The following MAP3K5 variants were observed in gnomAD, a reference collection of about 807,000 sequenced individuals.
MAP3K5 encodes ASK-1.
In MAP3K5, 56 loss-of-function variants were observed where a neutral mutation model predicts 158.7. The observed-to-expected ratio is 0.35, with a 90% CI of 0.28 to 0.44. MAP3K5 has a LOEUF of 0.44. Ranked by LOEUF, MAP3K5 falls within the 20% of genes least tolerant of loss-of-function variation. MAP3K5 has a pLI of 1.00. For missense variants in MAP3K5, 1,294 were observed against 1,674.8 expected (o/e 0.77, Z 3.97); for synonymous variants, 579 against 601.7 (o/e 0.96, Z 0.55).
chr6:136,615,785 T>C (rs988870214), intron 15 of MAP3K5, among the ~76,000 whole-genome samples: 3 of 152,156 alleles, frequency 2.0e-5, no homozygotes, highest in Non-Finnish European at 2.9e-5. Context: ...ACACTAATAA[T>C]TCACATTAGT....
chr6:136,744,380 CAT>C (rs146711750), intron 1 of MAP3K5, among the ~76,000 whole-genome samples: 5 of 151,428 alleles, frequency 3.3e-5, no homozygotes, highest in Non-Finnish European at 5.9e-5. Context: ...TACATATATA[CAT>C]ATATATATGT....
At chr6:136,669,887 GT>G (rs1562597590) in intron 7 of MAP3K5, among the ~76,000 whole-genome samples, 1 of 92,066 alleles carries the variant, frequency 1.1e-5, no homozygotes, top group East Asian at 3.7e-4. Flanking sequence ...CATTCAGGGT[GT>G]GTGTGTGTGT....
At chr6:136,746,634 TAA>T (rs557672620) in intron 1 of MAP3K5, among the ~76,000 whole-genome samples, 103 of 152,294 alleles carry the variant, frequency 6.8e-4, no homozygotes, top group African/African-American at 2.4e-3. Context: ...AATCTATGTA[TAA>T]TCATGGTTTA....
At chr6:136,757,221 T>C (rs1313710603) in intron 1 of MAP3K5, among the ~76,000 whole-genome samples, 1 of 152,224 alleles carries the variant, frequency 6.6e-6, no homozygotes, top group Non-Finnish European at 1.5e-5. Flanking sequence ...CTTGGTTTAT[T>C]TTCTGACTAC....
chr6:136,690,270 C>A (rs961264712), intron 7 of MAP3K5, among the ~76,000 whole-genome samples: 3 of 152,082 alleles, frequency 2.0e-5, no homozygotes, highest in African/African-American at 7.2e-5. Context: ...TGATACTGTA[C>A]TCTGTATCCT....
intron 11 of MAP3K5, among the ~76,000 whole-genome samples, chr6:136,643,730 G>A (rs574161219): frequency 9.2e-5 from 14 of 152,308 alleles, no homozygotes; most frequent in Non-Finnish European, 1.9e-4. Flanking sequence ...CTGAATGAAC[G>A]CAGAGCAAAT....
intron 28 of MAP3K5, among the ~76,000 whole-genome samples, chr6:136,559,142 G>A (rs1024368489): frequency 1.3e-5 from 2 of 152,174 alleles, no homozygotes; most frequent in Non-Finnish European, 2.9e-5. Flanking sequence ...TCTGAGGTCA[G>A]GAGTTCGAGA....
At chr6:136,598,188 A>T (rs904750757) in intron 21 of MAP3K5, among the ~76,000 whole-genome samples, 4 of 152,190 alleles carry the variant, frequency 2.6e-5, no homozygotes, top group Admixed American at 2.0e-4. Context: ...GCCTCCCTTA[A>T]CACACAGTAA....
intron 1 of MAP3K5, among the ~76,000 whole-genome samples, chr6:136,733,046 C>G (rs1046774819): frequency 1.3e-5 from 2 of 152,188 alleles, no homozygotes; most frequent in Non-Finnish European, 2.9e-5. Flanking sequence ...GTTACCCAGG[C>G]TGAAGTACAG....
rs1562658730 is a variant in MAP3K5, at chr6:136,737,020, C to CATATATATATGTGTGTATATATATAT, written c.449-16432_449-16431insATATATATATACACACATATATATAT. Among the ~76,000 whole-genome samples the CATATATATATGTGTGTATATATATAT allele has an allele frequency of 1.7e-3, 135 of 78,640 alleles. 3 individuals are homozygous for CATATATATATGTGTGTATATATATAT. Among genetic ancestry groups the CATATATATATGTGTGTATATATATAT allele is most frequent in the African/African-American group, 8.2e-3 (130 of 15,788 alleles). The allele number at this position is 78,640 out of a possible 152,430, so 51.6% of individuals were successfully genotyped here. ...TTTTTAATGTGACAAATTAATTTTA[C>CATATATATATGTGTGTATATATATAT]ATATATATATGTGTGTGTATATATA... On this transcript the variant is annotated intron_variant, in intron 1 of 29. Coordinates refer to ENST00000359015, the MANE Select transcript of MAP3K5 (RefSeq NM_005923.4).
chr6:136,613,189 A>G lies in MAP3K5; in HGVS notation c.2346T>C (p.Phe782=), dbSNP rs753047430. ...ATCCTTCCAGTATTTGCTTTGTATAAAAGCCAATTGTTTGCTCATTGTCTT... is the reference window on the plus strand; with the variant it reads ...ATCCTTCCAGTATTTGCTTTGTATAGAAGCCAATTGTTTGCTCATTGTCTT... ...PLKDNEQTIG[F]YTKQILEGLK... The change falls in exon 17 of 30, where the codon TTT becomes TTC. Residue 782 remains phenylalanine, a synonymous_variant. Transcript: ENST00000359015. This position sits in a 1 kb window ranked among gnomAD's most constrained non-coding sequence, Gnocchi z 4.0. 77 of 1,613,474 alleles carry G rather than the reference A, an allele frequency of 4.8e-5. No homozygotes were observed. The highest frequency in any genetic ancestry group is 6.2e-5 in the Non-Finnish European group (73 of 1,179,762).
intron 1 of MAP3K5, among the ~76,000 whole-genome samples, chr6:136,746,004 T>C (rs1437462836): frequency 1.3e-5 from 2 of 152,028 alleles, no homozygotes; most frequent in African/African-American, 4.8e-5. Context: ...GGAAACAGGG[T>C]CAAGAGAAGA....
chr6:136,580,858 AGGGTGGAGTGCAGTGGC>A (rs913975073), intron 24 of MAP3K5, among the ~76,000 whole-genome samples: 93 of 152,196 alleles, frequency 6.1e-4, no homozygotes, highest in African/African-American at 2.2e-3. Flanking sequence ...TCTGTCACCC[AGGGTGGAGTGCAGTGGC>A]GGGATCATGG....
At position 136,590,091 on chromosome 6, in the gene MAP3K5, G is replaced by A. The variant is rs79323203; in HGVS notation, c.3225+2082C>T. On this transcript the variant is annotated intron_variant, in intron 23 of 29. Coordinates refer to ENST00000359015, the MANE Select transcript of MAP3K5 (RefSeq NM_005923.4). ...GGGTTAGTTCTCAGGAAAGCAAGAT[G>A]TCATAAAGCCAGTTGGCTCTCCTTG... Among the ~76,000 whole-genome samples, 74 of 152,300 alleles carry A rather than the reference G, an allele frequency of 4.9e-4. No individual in the cohort carries two copies. In the East Asian group the frequency reaches 0.011, roughly 23 times the overall value.
chr6:136,698,754 T>A (rs1780719631), intron 3 of MAP3K5, 72 bp from the exon 4 acceptor site: 1 of 1,006,958 alleles, frequency 9.9e-7, no homozygotes, highest in South Asian at 1.6e-5. Context: ...TCCCACGTCT[T>A]ACTCATTTTA....
At chr6:136,743,795 T>C (rs72983506) in intron 1 of MAP3K5, among the ~76,000 whole-genome samples, 51,069 of 152,088 alleles carry the variant, frequency 0.34, 10,537 homozygotes, top group East Asian at 0.45. Context: ...AAGATGTCTT[T>C]CAGGATGTAA....
At chr6:136,730,600 T>C (rs997729794) in intron 1 of MAP3K5, among the ~76,000 whole-genome samples, 26 of 151,598 alleles carry the variant, frequency 1.7e-4, no homozygotes, top group African/African-American at 6.1e-4. Context: ...CAGATGCCTG[T>C]AGTCCCAGCT....
At chr6:136,671,805 T>TA (rs1583390911) in intron 7 of MAP3K5, among the ~76,000 whole-genome samples, 1 of 151,288 alleles carries the variant, frequency 6.6e-6, no homozygotes, top group African/African-American at 2.4e-5. Context: ...TTTTTTTTTT[T>TA]AGTAGAGATG....
chr6:136,751,653 G>A (rs1241037043), intron 1 of MAP3K5, among the ~76,000 whole-genome samples: 1 of 152,196 alleles, frequency 6.6e-6, no homozygotes, highest in Non-Finnish European at 1.5e-5. Context: ...GAAAAACTGT[G>A]AAGACTGCTT....
Sources: gnomAD v4.1 joint callset for allele counts (sites outside exome capture counted in the v4.1 genomes callset) on GRCh38, gnomAD v4.1.1 for gene constraint, Gnocchi (gnomAD v3.1) non-coding constraint, MANE v1.5 for transcripts, NCBI Gene and HGNC (gene_info 2026-07-23, HGNC 2026-07-21) for gene names.